The following MBTD1 variants were observed in gnomAD, a reference collection of about 807,000 sequenced individuals.
MBTD1 encodes the protein MBT domain-containing protein 1.
In MBTD1, 24 loss-of-function variants were observed where a neutral mutation model predicts 87.8. The ratio of observed to expected loss-of-function variants is 0.27; its 90% CI spans 0.20 to 0.38. MBTD1 has a LOEUF of 0.38. MBTD1 is among the 10% of genes least tolerant of loss of function. The pLI is 1.00. For synonymous variants in MBTD1, 237 were observed against 248.6 expected (o/e 0.95, Z 0.44); for missense variants, 436 against 760.2 (o/e 0.57, Z 5.02).
intron 8 of MBTD1, 103 bp downstream of exon 8, chr17:51,203,688 T>A: frequency 7.7e-7 from 1 of 1,290,864 alleles, no homozygotes. Flanking sequence ...TGAGCGGCCA[T>A]GCCCGGCCTT....
intron 2 of MBTD1, among the ~76,000 whole-genome samples, chr17:51,228,913 G>T (rs2053400182): frequency 1.8e-5 from 1 of 56,892 alleles, no homozygotes; most frequent in Non-Finnish European, 3.3e-5. Context: ...TGGGTGGGTG[G>T]GAAAAGGGAA....
chr17:51,232,963 G>A (rs910331867), intron 2 of MBTD1, among the ~76,000 whole-genome samples: 1 of 146,812 alleles, frequency 6.8e-6, no homozygotes, highest in African/African-American at 2.5e-5. Context: ...GAGATGAGAG[G>A]ATCACTTGAG....
chr17:51,237,258 T>G (rs2053896665), intron 2 of MBTD1, among the ~76,000 whole-genome samples: 1 of 140,468 alleles, frequency 7.1e-6, no homozygotes, highest in Non-Finnish European at 1.5e-5. Flanking sequence ...ATCGTGCCAT[T>G]GCACTCCAGC....
intron 3 of MBTD1, among the ~76,000 whole-genome samples, chr17:51,220,706 T>G (rs2052836812): frequency 6.6e-6 from 1 of 152,182 alleles, no homozygotes; most frequent in Admixed American, 6.5e-5. Flanking sequence ...CTGAAAGGTT[T>G]ACAAAGGGTC....
At chr17:51,260,773 C>T, upstream of MBTD1, 5 of 1,579,186 alleles carry the variant, frequency 3.2e-6, no homozygotes, top group Non-Finnish European at 3.4e-6. Context: ...CGATTGCAGT[C>T]GCGGCGGCGG....
At chr17:51,248,151 T>C (rs554932060) in intron 2 of MBTD1, among the ~76,000 whole-genome samples, 1 of 152,356 alleles carries the variant, frequency 6.6e-6, no homozygotes, top group African/African-American at 2.4e-5. Flanking sequence ...GATTCATCTA[T>C]TATGTGACTC....
chr17:51,202,543 C>T (rs1035772259), intron 10 of MBTD1, among the ~76,000 whole-genome samples, 158 bp downstream of exon 10: 3 of 152,174 alleles, frequency 2.0e-5, no homozygotes, highest in African/African-American at 7.2e-5. Flanking sequence ...TATTAGGACA[C>T]TAATATGGTG....
chr17:51,212,473 A>G (rs184507904), intron 6 of MBTD1, among the ~76,000 whole-genome samples: 1 of 145,102 alleles, frequency 6.9e-6, no homozygotes, highest in East Asian at 2.0e-4. Context: ...CTACAACTGT[A>G]TTTGAGGGAG....
chr17:51,229,660 C>CT (rs36024708), intron 2 of MBTD1, among the ~76,000 whole-genome samples: 12,884 of 117,760 alleles, frequency 0.11, 834 homozygotes, highest in Non-Finnish European at 0.14. Context: ...TTTTAGTATA[C>CT]TTTTTTTTTT....
At chr17:51,244,677 G>A (rs1251592257) in intron 2 of MBTD1, among the ~76,000 whole-genome samples, 1 of 152,080 alleles carries the variant, frequency 6.6e-6, no homozygotes, top group African/African-American at 2.4e-5. Context: ...CAAAGTGCTG[G>A]GATTACAGGC....
chr17:51,249,179 G>A (rs2054627223), intron 2 of MBTD1, among the ~76,000 whole-genome samples: 1 of 152,102 alleles, frequency 6.6e-6, no homozygotes, highest in African/African-American at 2.4e-5. Context: ...AGGATCACCT[G>A]AGGCAGGGAG....
At chr17:51,213,948 G>A (rs953409080) in intron 6 of MBTD1, among the ~76,000 whole-genome samples, 1 of 151,708 alleles carries the variant, frequency 6.6e-6, no homozygotes, top group African/African-American at 2.4e-5. Context: ...CAATTATGAT[G>A]CTTAAATAAA....
rs1220313132 is a variant in MBTD1 at position 51,178,984 on chromosome 17, AG to A, written c.*1591del. ...TATTACCAATGCTATTATTCCCAAA[AG>A]TAGAGCAATATTTTAGAAAATAAAT... On this transcript the variant is annotated 3_prime_UTR_variant, in exon 17 of 17. Transcript: ENST00000586178. The A allele has an allele frequency of 1.3e-5, 2 of 152,224 alleles. No homozygotes were observed. Among genetic ancestry groups the A allele is most frequent in the African/African-American group, 2.4e-5 (1 of 41,466 alleles). The allele number at this position is 152,224 out of a possible 1,614,324, so 9.4% of individuals were successfully genotyped here. A position where few individuals can be genotyped will look rare whatever the true frequency, so the allele number is the denominator to read the frequency against.
chr17:51,201,780 C>T, intron 11 of MBTD1, 84 bp from the exon 12 acceptor site: 1 of 985,420 alleles, frequency 1.0e-6, no homozygotes, highest in Non-Finnish European at 1.6e-6. Flanking sequence ...AAAAGATTTA[C>T]CAGGTGCCTT....
At chr17:51,259,279 TTAAA>T in intron 1 of MBTD1, 73 bp from the exon 2 acceptor site, 2 of 1,231,042 alleles carry the variant, frequency 1.6e-6, no homozygotes, top group Non-Finnish European at 2.0e-6. Context: ...TGAAACCCTT[TTAAA>T]TATGCAGCCT....
intron 13 of MBTD1, among the ~76,000 whole-genome samples, 159 bp downstream of exon 13, chr17:51,195,055 A>G (rs2051021551): frequency 6.6e-6 from 1 of 152,230 alleles, no homozygotes; most frequent in Non-Finnish European, 1.5e-5. Context: ...ACAGTACTTT[A>G]TATTTTTAGA....
rs1598338906 is a variant in MBTD1 at position 51,209,358 on chromosome 17, C to T, written c.487-2353G>A. 7 of 471,126 alleles carry T rather than the reference C, an allele frequency of 1.5e-5. No individual in the cohort carries two copies. In the East Asian group the frequency reaches 2.1e-4, roughly 14 times the overall value. The allele number at this position is 471,126 out of a possible 1,614,324, so 29.2% of individuals were successfully genotyped here. ...AGGTCCACCTCAGGCTCCTCCCAAA[C>T]AAGGAAGATCTGCTCCACCACTTCC... is the stretch of plus-strand genomic sequence containing the variant. On this transcript the variant is annotated intron_variant, in intron 6 of 16. Coordinates refer to ENST00000586178, the MANE Select transcript of MBTD1 (RefSeq NM_017643.3).
At chr17:51,196,623 A>T (rs1186090812) in intron 12 of MBTD1, among the ~76,000 whole-genome samples, 1 of 151,738 alleles carries the variant, frequency 6.6e-6, no homozygotes, top group Non-Finnish European at 1.5e-5. Flanking sequence ...TGGGCGTGGT[A>T]GCTCATGCCT....
At chr17:51,226,323 C>T (rs1269344669) in intron 2 of MBTD1, among the ~76,000 whole-genome samples, 6 of 151,482 alleles carry the variant, frequency 4.0e-5, no homozygotes, top group Admixed American at 3.9e-4. Flanking sequence ...TGAGACCAGC[C>T]TGGGCAACAT....
Sources: allele counts gnomAD v4.1 joint callset (sites outside exome capture counted in the v4.1 genomes callset), GRCh38; gene constraint gnomAD v4.1.1; transcripts MANE v1.5; gene names NCBI Gene and HGNC (gene_info 2026-07-23, HGNC 2026-07-21).